Variants in CHLSN observed in about 807,000 individuals in gnomAD.
CHLSN encodes cholesin.
At chr7:1,130,294 G>A in the CHLSN span, among the ~76,000 whole-genome samples, 4 of 152,208 alleles carry the variant, frequency 2.6e-5, no homozygotes, top group Non-Finnish European at 5.9e-5. Context: ...ACCAGACTTG[G>A]GAGCCTGCTG....
chr7:1,015,739 C>G, the CHLSN span, among the ~76,000 whole-genome samples: 1 of 152,174 alleles, frequency 6.6e-6, no homozygotes, highest in Non-Finnish European at 1.5e-5. Flanking sequence ...GCCCCTAATG[C>G]CCAGCCCTCG....
the CHLSN span, chr7:984,344 G>C: frequency 1.3e-6 from 2 of 1,485,334 alleles, no homozygotes; most frequent in Non-Finnish European, 1.8e-6. Context: ...CACAGGCCCG[G>C]CCTGAGGGGA....
chr7:1,034,772 A>G, the CHLSN span, among the ~76,000 whole-genome samples: 2 of 41,560 alleles, frequency 4.8e-5, no homozygotes, highest in South Asian at 2.0e-3. Flanking sequence ...CCCACCCTCC[A>G]CCCTCCTTTT....
the CHLSN span, among the ~76,000 whole-genome samples, chr7:1,079,753 C>A: frequency 6.6e-6 from 1 of 152,336 alleles, no homozygotes; most frequent in East Asian, 1.9e-4. Context: ...GGTCCAGGGC[C>A]CTGCAGGAGC....
At chr7:1,070,127 AG>A in the CHLSN span, among the ~76,000 whole-genome samples, 3 of 79,746 alleles carry the variant, frequency 3.8e-5, no homozygotes, top group Non-Finnish European at 7.6e-5. Context: ...ACCCCGTCTG[AG>A]AAGTGAGGAG....
the CHLSN span, among the ~76,000 whole-genome samples, chr7:1,105,758 G>T: frequency 6.6e-6 from 1 of 152,192 alleles, no homozygotes; most frequent in East Asian, 1.9e-4. Context: ...GAGATTACAG[G>T]CACACGCCAC....
At chr7:984,868 C>T in the CHLSN span, 29 of 1,496,234 alleles carry the variant, frequency 1.9e-5, no homozygotes, top group Non-Finnish European at 2.6e-5. Context: ...GCCCTGTCAG[C>T]CTGCTCACTT....
chr7:1,072,261 G>A, the CHLSN span, among the ~76,000 whole-genome samples: 5 of 152,090 alleles, frequency 3.3e-5, no homozygotes, highest in Admixed American at 6.6e-5. Flanking sequence ...TTCTTCTCTC[G>A]CCACTCCCCA....
At chr7:1,118,864 TAAAAAAA>T in the CHLSN span, among the ~76,000 whole-genome samples, 1 of 147,974 alleles carries the variant, frequency 6.8e-6, no homozygotes. Flanking sequence ...TATTTTTTTT[TAAAAAAA>T]CTAAAGTATT....
the CHLSN span, among the ~76,000 whole-genome samples, chr7:1,131,227 G>A: frequency 4.0e-5 from 6 of 150,850 alleles, no homozygotes; most frequent in South Asian, 1.3e-3. Flanking sequence ...AGTAAAGCAG[G>A]ATAGGTTACA....
chr7:1,068,044 C>G, the CHLSN span, among the ~76,000 whole-genome samples: 1 of 152,144 alleles, frequency 6.6e-6, no homozygotes, highest in African/African-American at 2.4e-5. Flanking sequence ...ACGCTGCGGC[C>G]CCAGCAACGG....
chr7:1,044,388 A>G, the CHLSN span, among the ~76,000 whole-genome samples: 1 of 152,254 alleles, frequency 6.6e-6, no homozygotes, highest in Non-Finnish European at 1.5e-5. Context: ...CACAACCAGC[A>G]CTGCCTCCAC....
chr7:1,064,283 G>C, the CHLSN span, among the ~76,000 whole-genome samples: 1 of 152,140 alleles, frequency 6.6e-6, no homozygotes, highest in African/African-American at 2.4e-5. Flanking sequence ...GGGAGACCAG[G>C]CCCTTAGCAG....
the CHLSN span, among the ~76,000 whole-genome samples, chr7:1,017,175 G>A: frequency 1.3e-5 from 2 of 152,244 alleles, no homozygotes; most frequent in Admixed American, 6.5e-5. Flanking sequence ...TCTGGCCCCA[G>A]GCTCAGGCTC....
chr7:1,045,587 C>T, the CHLSN span: 3 of 152,208 alleles, frequency 2.0e-5, no homozygotes, highest in Non-Finnish European at 4.4e-5. Flanking sequence ...GATAGTCTAC[C>T]GTCCTAACTG....
the CHLSN span, among the ~76,000 whole-genome samples, chr7:1,064,149 C>T: frequency 6.6e-6 from 1 of 152,240 alleles, no homozygotes; most frequent in African/African-American, 2.4e-5. Context: ...CATGCACACA[C>T]ACAAACACAC....
the CHLSN span, among the ~76,000 whole-genome samples, chr7:1,090,512 G>A: frequency 3.5e-5 from 5 of 142,164 alleles, no homozygotes; most frequent in Middle Eastern, 4.1e-3. Flanking sequence ...CGGCAGAGCC[G>A]GGGTGACACA....
the CHLSN span, among the ~76,000 whole-genome samples, chr7:1,085,679 A>T: frequency 2.0e-5 from 2 of 101,838 alleles, no homozygotes; most frequent in Admixed American, 9.0e-5. Flanking sequence ...CAAAAAAATT[A>T]AAAAAAAAAA....
chr7:984,520 G>T, the CHLSN span: 1 of 1,553,182 alleles, frequency 6.4e-7, no homozygotes, highest in Non-Finnish European at 8.7e-7. Flanking sequence ...CCCCGGGCAG[G>T]AGCTGGCCGA....
Sources: gnomAD v4.1 joint callset for allele counts (sites outside exome capture counted in the v4.1 genomes callset) on GRCh38, gnomAD v4.1.1 for gene constraint, MANE v1.5 for transcripts, NCBI Gene and HGNC (gene_info 2026-07-23, HGNC 2026-07-21) for gene names.